ABCB4: variants seen among roughly 807,000 people sequenced by gnomAD.
The protein encoded by ABCB4 is ATP binding cassette subfamily B member 4.
Under a neutral mutation model 145.7 loss-of-function variants are expected in ABCB4, and 76 were observed. The ratio of observed to expected loss-of-function variants is 0.52; its 90% CI spans 0.43 to 0.63. The LOEUF (loss-of-function observed/expected upper bound fraction) is 0.63, where lower values mean the gene tolerates loss of function less well. ABCB4 is among the 30% of genes least tolerant of loss of function. The pLI, the probability that ABCB4 is intolerant of heterozygous loss-of-function variation, is 0.00. For missense variants in ABCB4, 1,234 were observed against 1,553.1 expected, an observed-to-expected ratio of 0.79 and a Z score of 3.45; for synonymous variants, 517 against 566.8, an observed-to-expected ratio of 0.91 and a Z score of 1.25.
chr7:87,389,894 G>A, the ABCB4 span, among the ~76,000 whole-genome samples: 5 of 151,992 alleles, frequency 3.3e-5, no homozygotes, highest in Non-Finnish European at 1.5e-5. Context: ...GAAATTTCAC[G>A]CGGTATTTTT....
At chr7:87,465,261 C>T (rs998587164) in intron 3 of ABCB4, among the ~76,000 whole-genome samples, 7 of 152,362 alleles carry the variant, frequency 4.6e-5, no homozygotes, top group Admixed American at 2.6e-4. Context: ...CCCACACCCA[C>T]GAAGCCTCGC....
the ABCB4 span, among the ~76,000 whole-genome samples, chr7:87,367,894 A>C: frequency 2.3e-4 from 35 of 152,088 alleles, no homozygotes; most frequent in African/African-American, 8.5e-4. Context: ...TCACCTCCTA[A>C]CTTGGCATAC....
chr7:87,368,276 C>T, the ABCB4 span, among the ~76,000 whole-genome samples: 1 of 152,180 alleles, frequency 6.6e-6, no homozygotes, highest in East Asian at 1.9e-4. Flanking sequence ...CCTTCTGCCA[C>T]CCTCACCCTT....
the ABCB4 span, chr7:87,392,512 C>G: frequency 7.2e-7 from 1 of 1,389,188 alleles, no homozygotes; most frequent in Non-Finnish European, 1.0e-6. Context: ...GGATTTTTTT[C>G]TAGTTGGGTT....
chr7:87,419,904 A>C (rs1809295096), intron 19 of ABCB4, 94 bp downstream of exon 19: 4 of 1,336,272 alleles, frequency 3.0e-6, no homozygotes, highest in African/African-American at 1.4e-5. Context: ...CTGGGGGGAA[A>C]ACATGCATAT....
intron 21 of ABCB4, among the ~76,000 whole-genome samples, chr7:87,416,214 A>G (rs964984679): frequency 1.3e-5 from 2 of 152,242 alleles, no homozygotes; most frequent in Admixed American, 6.5e-5. Context: ...TGCTGATTAC[A>G]AGAGGACAAG....
chr7:87,470,545 C>T (rs1188803472), intron 3 of ABCB4, among the ~76,000 whole-genome samples: 1 of 152,174 alleles, frequency 6.6e-6, no homozygotes, highest in East Asian at 1.9e-4. Flanking sequence ...ACCCCACCAA[C>T]AAGTGGGTGA....
intron 21 of ABCB4, among the ~76,000 whole-genome samples, chr7:87,416,169 C>A (rs953232559): frequency 2.6e-5 from 4 of 152,184 alleles, no homozygotes; most frequent in Non-Finnish European, 5.9e-5. Context: ...CCTGGAGATA[C>A]TATTATACCT....
the ABCB4 span, among the ~76,000 whole-genome samples, chr7:87,386,073 T>C: frequency 6.6e-6 from 1 of 152,180 alleles, no homozygotes; most frequent in African/African-American, 2.4e-5. Flanking sequence ...TTGCTAGTAT[T>C]TTGTTGAGGA....
chr7:87,386,733 C>T, the ABCB4 span, among the ~76,000 whole-genome samples: 1 of 152,116 alleles, frequency 6.6e-6, no homozygotes, highest in Non-Finnish European at 1.5e-5. Context: ...ATGGAGCGTG[C>T]TTCCTACACC....
chr7:87,381,182 C>A, the ABCB4 span, among the ~76,000 whole-genome samples: 1 of 152,162 alleles, frequency 6.6e-6, no homozygotes, highest in South Asian at 2.1e-4. Context: ...TGAATGATAT[C>A]TGTGTCTAAT....
At chr7:87,437,697 A>C (rs867947113) in intron 14 of ABCB4, among the ~76,000 whole-genome samples, 1 of 152,138 alleles carries the variant, frequency 6.6e-6, no homozygotes, top group African/African-American at 2.4e-5. Flanking sequence ...TACTTCAGAG[A>C]TGTCTCAGGC....
At chr7:87,410,435 A>G (rs1415634358) in intron 23 of ABCB4, among the ~76,000 whole-genome samples, 1 of 152,206 alleles carries the variant, frequency 6.6e-6, no homozygotes. Flanking sequence ...GTTTTAAAAT[A>G]GTGATGAACA....
intron 21 of ABCB4, 32 bp downstream of exon 21, chr7:87,417,280 C>G: frequency 1.2e-6 from 2 of 1,603,166 alleles, no homozygotes; most frequent in Non-Finnish European, 1.7e-6. Context: ...AAAAACAACA[C>G]TTAACACCAA....
At chr7:87,423,478 G>A (rs1281582654) in intron 17 of ABCB4, 3 of 222,260 alleles carry the variant, frequency 1.3e-5, no homozygotes, top group Non-Finnish European at 2.7e-5. Flanking sequence ...AAGAAACTGA[G>A]GTACCGAGAG....
chr7:87,413,309 G>A (rs1808750440), intron 22 of ABCB4, among the ~76,000 whole-genome samples: 1 of 152,200 alleles, frequency 6.6e-6, no homozygotes, highest in South Asian at 2.1e-4. Context: ...TTAAAGGAAT[G>A]TTTGTCTTAA....
chr7:87,401,758 T>C lies in ABCB4; in HGVS notation c.*338A>G. On this transcript the variant is annotated 3_prime_UTR_variant, in exon 28 of 28. Coordinates refer to ENST00000649586, the MANE Select transcript of ABCB4 (RefSeq NM_000443.4). ...GGAAAATTATTCCCAAACTTTCCTG[T>C]CTACCCAACCCATTCAGGACCATAA... 2.9e-6 allele frequency: 1 copy of C among 343,548 alleles called. No individual in the cohort carries two copies. Among genetic ancestry groups the C allele is most frequent in the South Asian group, 2.9e-5 (1 of 34,682 alleles). The allele number at this position is 343,548 out of a possible 1,614,324, so 21.3% of individuals were successfully genotyped here.
At chr7:87,366,358 GA>G in the ABCB4 span, among the ~76,000 whole-genome samples, 73 of 149,000 alleles carry the variant, frequency 4.9e-4, no homozygotes, top group South Asian at 2.1e-4. Context: ...CCTTTTTGGG[GA>G]AAAAAAAATG....
chr7:87,412,877 C>A (rs1306609492), intron 22 of ABCB4, among the ~76,000 whole-genome samples: 1 of 152,122 alleles, frequency 6.6e-6, no homozygotes, highest in Non-Finnish European at 1.5e-5. Flanking sequence ...TGTTTTATGT[C>A]AAACAACAAA....
Sources: gnomAD v4.1 joint callset for allele counts (sites outside exome capture counted in the v4.1 genomes callset) on GRCh38, gnomAD v4.1.1 for gene constraint, MANE v1.5 for transcripts, NCBI Gene and HGNC (gene_info 2026-07-23, HGNC 2026-07-21) for gene names.